The following TLL1 variants were observed in gnomAD, a reference collection of about 807,000 sequenced individuals.
The protein encoded by TLL1 is tolloid like 1, also known as tolloid-like protein 1.
A neutral mutation model predicts 128.2 loss-of-function variants in TLL1; 49 were observed. The observed-to-expected ratio is 0.38, with a 90% CI of 0.30 to 0.48. The LOEUF (loss-of-function observed/expected upper bound fraction) is 0.48, where lower values mean the gene tolerates loss of function less well. Ranked by LOEUF, TLL1 falls within the 20% of genes least tolerant of loss-of-function variation. The pLI, the probability that TLL1 is intolerant of heterozygous loss-of-function variation, is 0.96. For missense variants in TLL1, 1,123 were observed against 1,242.0 expected (o/e 0.90, Z 1.44); for synonymous variants, 454 against 418.8 (o/e 1.08, Z -1.03).
intron 8 of TLL1, among the ~76,000 whole-genome samples, chr4:166,022,052 AT>A (rs1738265874): frequency 6.6e-6 from 1 of 152,192 alleles, no homozygotes; most frequent in Non-Finnish European, 1.5e-5. Context: ...CCAAAATTGT[AT>A]TTATGATATT....
Position 166,100,969 on chromosome 4 carries a change from T to C in TLL1, c.*93T>C. On this transcript the variant is annotated 3_prime_UTR_variant, in exon 21 of 21. Transcript: ENST00000061240. ...TGAAGATATTGGCACAAATGTTTTA[T>C]ACAAAGAGTTTGAACAAAAAATCCC... 1.3e-6 allele frequency: 2 copies of C among 1,503,558 alleles called. No individual in the cohort carries two copies. Among genetic ancestry groups the C allele is most frequent in the Non-Finnish European group, 1.8e-6 (2 of 1,108,654 alleles). 93.1% of individuals were successfully genotyped at this position (1,503,558 alleles called of 1,614,324 possible). A position where few individuals can be genotyped will look rare whatever the true frequency, so the allele number is the denominator to read the frequency against.
At chr4:166,004,524 A>G (rs79828937) in intron 6 of TLL1, among the ~76,000 whole-genome samples, 3,079 of 152,200 alleles carry the variant, frequency 0.02, 94 homozygotes, top group African/African-American at 0.071. Flanking sequence ...AGTGACAGTA[A>G]TTAGTAATAT....
At chr4:166,025,705 G>C (rs887264976) in intron 9 of TLL1, among the ~76,000 whole-genome samples, 1 of 151,940 alleles carries the variant, frequency 6.6e-6, no homozygotes, top group Non-Finnish European at 1.5e-5. Flanking sequence ...TCAGAAAGAC[G>C]CTTAGAAAAA....
rs868861822 is a variant in TLL1 at position 165,958,138 on chromosome 4, C to A, written c.170-31243C>A. The stretch of plus-strand genomic sequence containing the variant: ...TTGGACATTTGGGTTGGTTCCAAGT[C>A]TTTGCTATTGTGAATAGTGCCACAA... On this transcript the variant is annotated intron_variant, in intron 1 of 20. Transcript: ENST00000061240. 1.7e-3 allele frequency among the ~76,000 whole-genome samples: 238 copies of A among 140,530 alleles called. 2 individuals are homozygous for A. The highest frequency in any genetic ancestry group is 5.9e-3 in the African/African-American group (215 of 36,610). The allele number at this position is 140,530 out of a possible 152,430, so 92.2% of individuals were successfully genotyped here. A position where few individuals can be genotyped will look rare whatever the true frequency, so the allele number is the denominator to read the frequency against.
chr4:166,092,383 G>A (rs1054130626), intron 19 of TLL1, among the ~76,000 whole-genome samples: 8 of 151,956 alleles, frequency 5.3e-5, no homozygotes, highest in Admixed American at 3.3e-4. Context: ...ATTAATAATA[G>A]TAATCATTGG....
At chr4:165,964,741 G>A (rs1469314089) in intron 1 of TLL1, among the ~76,000 whole-genome samples, 1 of 152,092 alleles carries the variant, frequency 6.6e-6, no homozygotes, top group East Asian at 1.9e-4. Context: ...AGCCTGGGAA[G>A]CAATAAGAGA....
intron 1 of TLL1, among the ~76,000 whole-genome samples, chr4:165,883,592 G>T (rs1041447208): frequency 6.6e-6 from 1 of 152,038 alleles, no homozygotes; most frequent in African/African-American, 2.4e-5. Context: ...GCTTTTTCTG[G>T]AACATAACAA....
At chr4:166,094,400 ATTC>A (rs1410483712) in intron 19 of TLL1, among the ~76,000 whole-genome samples, 1 of 152,192 alleles carries the variant, frequency 6.6e-6, no homozygotes, top group Non-Finnish European at 1.5e-5. Context: ...TGAAGATTGA[ATTC>A]TTCTTTATAG....
intron 1 of TLL1, among the ~76,000 whole-genome samples, chr4:165,958,039 C>G (rs2110953229): frequency 6.6e-6 from 1 of 151,210 alleles, no homozygotes; most frequent in South Asian, 2.1e-4. Flanking sequence ...AGGACATGAG[C>G]TCATCATTTT....
chr4:165,927,584 T>C (rs1261289009), intron 1 of TLL1, among the ~76,000 whole-genome samples: 1 of 152,232 alleles, frequency 6.6e-6, no homozygotes, highest in Non-Finnish European at 1.5e-5. Context: ...ACATGCTAAT[T>C]GATTGCTACT....
intron 1 of TLL1, among the ~76,000 whole-genome samples, chr4:165,883,243 A>G (rs139465898): frequency 9.1e-4 from 139 of 152,330 alleles, no homozygotes; most frequent in African/African-American, 3.1e-3. Context: ...TCCCAGTGAT[A>G]GAATCAGATT....
chr4:165,905,538 T>C (rs1732208802), intron 1 of TLL1, among the ~76,000 whole-genome samples: 1 of 152,178 alleles, frequency 6.6e-6, no homozygotes, highest in African/African-American at 2.4e-5. Context: ...TCCTGGTTAT[T>C]GTGATTTTCT....
At chr4:165,897,211 G>A (rs1271527997) in intron 1 of TLL1, among the ~76,000 whole-genome samples, 1 of 151,852 alleles carries the variant, frequency 6.6e-6, no homozygotes, top group Admixed American at 6.6e-5. Context: ...ATGTTACTGT[G>A]CAGAAGCTCT....
In TLL1 at chr4:166,007,938, C is replaced by A. The variant is rs776410376; in HGVS notation, c.812-5C>A. ...TCTGAGATTTTGTTTATCCCTGGTTCTTAGGTCAAGAGTACAATTTTCTGA... is the reference window on the plus strand; with the variant it reads ...TCTGAGATTTTGTTTATCCCTGGTTATTAGGTCAAGAGTACAATTTTCTGA... On this transcript the variant is annotated splice_polypyrimidine_tract_variant and splice_region_variant and intron_variant, in intron 6 of 20. Transcript: ENST00000061240. 1.2e-5 allele frequency: 19 copies of A among 1,596,456 alleles called. No homozygotes were observed. In the African/African-American group the frequency reaches 1.7e-4, roughly 15 times the overall value.
rs150894246 is a variant in TLL1 at position 165,940,034 on chromosome 4, T to C, written c.170-49347T>C. On this transcript the variant is annotated intron_variant, in intron 1 of 20. Transcript: ENST00000061240. ...TTTTATCTATTCTACCTCTTATACA[T>C]GGATACAATTCAGATTTTTATTATT... Among the ~76,000 whole-genome samples the C allele has an allele frequency of 3.1e-3, 468 of 152,140 alleles. 4 individuals are homozygous for C. The highest frequency in any genetic ancestry group is 0.01 in the African/African-American group (424 of 41,558).
intron 1 of TLL1, among the ~76,000 whole-genome samples, chr4:165,929,113 G>T (rs1182016673): frequency 6.6e-6 from 1 of 152,174 alleles, no homozygotes; most frequent in Non-Finnish European, 1.5e-5. Context: ...ATGACAGGCA[G>T]CACTAATTTT....
chr4:166,056,131 T>A (rs1443025770), intron 13 of TLL1, among the ~76,000 whole-genome samples: 1 of 152,088 alleles, frequency 6.6e-6, no homozygotes, highest in Non-Finnish European at 1.5e-5. Context: ...CTTGGCACTT[T>A]TACTACAGGT....
At chr4:165,919,890 A>C (rs1377560561) in intron 1 of TLL1, 2 of 453,930 alleles carry the variant, frequency 4.4e-6, no homozygotes, top group Non-Finnish European at 8.8e-6. Flanking sequence ...GAGCCCTTGA[A>C]GTTCAAGAAG....
In TLL1 at chr4:166,102,624, T is replaced by A. The variant is rs1480291864; in HGVS notation, c.*1748T>A. The A allele has an allele frequency of 1.3e-5, 2 of 152,134 alleles. No homozygotes were observed. Among genetic ancestry groups the A allele is most frequent in the Non-Finnish European group, 2.9e-5 (2 of 67,908 alleles). The allele number at this position is 152,134 out of a possible 1,614,324, so 9.4% of individuals were successfully genotyped here. ...TAGCTTTGTGTCTGTTACCTGTCCA[T>A]GAGCATACAACATTGAATACAATTG... On this transcript the variant is annotated 3_prime_UTR_variant, in exon 21 of 21. Transcript: ENST00000061240.
Sources: gnomAD v4.1 joint callset for allele counts (sites outside exome capture counted in the v4.1 genomes callset) on GRCh38, gnomAD v4.1.1 for gene constraint, MANE v1.5 for transcripts, NCBI Gene and HGNC (gene_info 2026-07-23, HGNC 2026-07-21) for gene names.